LRGUK: variants seen among roughly 807,000 people sequenced by gnomAD.
The protein encoded by LRGUK is leucine rich repeats and guanylate kinase domain containing, also known as leucine-rich repeat and guanylate kinase domain-containing protein.
Under a neutral mutation model 76.0 loss-of-function variants are expected in LRGUK, and 65 were observed. That is an observed-to-expected ratio of 0.85 (90% CI 0.70 to 1.05). LRGUK has a LOEUF of 1.05. Ranked by LOEUF, LRGUK falls within the 50% of genes least tolerant of loss-of-function variation. The pLI is 0.00. For synonymous variants in LRGUK, 268 were observed against 265.6 expected, an observed-to-expected ratio of 1.01 and a Z score of -0.09; for missense variants, 758 against 732.8, an observed-to-expected ratio of 1.03 and a Z score of -0.40.
intron 10 of LRGUK, among the ~76,000 whole-genome samples, chr7:134,180,825 C>T (rs1799708489): frequency 6.6e-6 from 1 of 152,104 alleles, no homozygotes; most frequent in Non-Finnish European, 1.5e-5. Flanking sequence ...GTAACCATCA[C>T]CACCATCTAT....
chr7:134,159,107 G>C (rs1323192393), intron 6 of LRGUK, among the ~76,000 whole-genome samples: 2 of 152,070 alleles, frequency 1.3e-5, no homozygotes, highest in African/African-American at 4.8e-5. Flanking sequence ...GGAGGCTGAG[G>C]TGGGAGGATC....
At chr7:134,204,119 A>T (rs1386528476) in intron 15 of LRGUK, among the ~76,000 whole-genome samples, 1 of 140,858 alleles carries the variant, frequency 7.1e-6, no homozygotes, top group African/African-American at 2.9e-5. Flanking sequence ...AGTAACTGAG[A>T]ACAGTGTGTT....
chr7:134,171,477 T>C (rs1799245283), intron 7 of LRGUK, among the ~76,000 whole-genome samples: 1 of 151,998 alleles, frequency 6.6e-6, no homozygotes, highest in Non-Finnish European at 1.5e-5. Context: ...TATTCACATA[T>C]ATAAGTTTTT....
At chr7:134,201,692 C>T in intron 15 of LRGUK, 116 bp downstream of exon 15, 1 of 669,884 alleles carries the variant, frequency 1.5e-6, no homozygotes. Context: ...TCTTTTATTC[C>T]TGTACTTCTT....
chr7:134,133,619 A>AT (rs1225527048), intron 1 of LRGUK, among the ~76,000 whole-genome samples: 3 of 151,944 alleles, frequency 2.0e-5, no homozygotes, highest in African/African-American at 2.4e-5. Flanking sequence ...TTCTATAGAG[A>AT]TTTTTTTCCC....
At chr7:134,189,156 T>C (rs1348199293) in intron 11 of LRGUK, among the ~76,000 whole-genome samples, 3 of 152,198 alleles carry the variant, frequency 2.0e-5, no homozygotes, top group Non-Finnish European at 4.4e-5. Flanking sequence ...ACTTAGTCCT[T>C]TTCTGTGTTA....
chr7:134,247,899 G>A (rs368750136), intron 17 of LRGUK, among the ~76,000 whole-genome samples: 3 of 152,196 alleles, frequency 2.0e-5, no homozygotes, highest in South Asian at 4.1e-4. Flanking sequence ...AGAAGAAGAC[G>A]GGTGATTAAT....
At chr7:134,157,545 C>T (rs1031853082) in intron 5 of LRGUK, among the ~76,000 whole-genome samples, 4 of 152,190 alleles carry the variant, frequency 2.6e-5, no homozygotes, top group African/African-American at 9.6e-5. Flanking sequence ...TTTTTTGAGA[C>T]GGAGTCTTGC....
intron 9 of LRGUK, among the ~76,000 whole-genome samples, chr7:134,177,781 T>G (rs563708233): frequency 1.3e-5 from 2 of 152,366 alleles, no homozygotes; most frequent in African/African-American, 4.8e-5. Flanking sequence ...TTAAAAGCAG[T>G]TACAGATGCC....
At chr7:134,130,783 C>A (rs1585406016) in intron 1 of LRGUK, among the ~76,000 whole-genome samples, 2 of 152,170 alleles carry the variant, frequency 1.3e-5, no homozygotes, top group South Asian at 4.1e-4. Flanking sequence ...GTATGGACCA[C>A]CTGTTCAAAA....
intron 18 of LRGUK, among the ~76,000 whole-genome samples, chr7:134,250,153 A>G (rs1802409320): frequency 6.6e-6 from 1 of 152,214 alleles, no homozygotes; most frequent in East Asian, 1.9e-4. Flanking sequence ...AAGAAAGCTC[A>G]CCAAAATGTG....
chr7:134,144,855 G>A (rs1037769038), intron 4 of LRGUK, among the ~76,000 whole-genome samples: 3 of 152,140 alleles, frequency 2.0e-5, no homozygotes, highest in African/African-American at 7.2e-5. Context: ...TGTACTCAGT[G>A]TGGGGCCGCA....
intron 2 of LRGUK, among the ~76,000 whole-genome samples, chr7:134,138,318 C>T (rs1240550256): frequency 1.3e-5 from 2 of 152,214 alleles, no homozygotes; most frequent in Admixed American, 6.5e-5. Flanking sequence ...GACCTCCTTA[C>T]ATTTGAGATA....
chr7:134,199,377 T>G (rs750223919), exon 14 of LRGUK: 2 of 1,613,800 alleles, frequency 1.2e-6, no homozygotes, highest in Non-Finnish European at 1.7e-6. Flanking sequence ...TATATTAAAA[T>G]TAATCAGAAT....
chr7:134,170,586 C>A (rs922161302), intron 7 of LRGUK, among the ~76,000 whole-genome samples: 1 of 152,026 alleles, frequency 6.6e-6, no homozygotes, highest in Non-Finnish European at 1.5e-5. Flanking sequence ...GTGATGGATA[C>A]CCCAGTTACC....
At chr7:134,192,412 A>G (rs577110770) in intron 12 of LRGUK, among the ~76,000 whole-genome samples, 1 of 152,326 alleles carries the variant, frequency 6.6e-6, no homozygotes, top group East Asian at 1.9e-4. Flanking sequence ...GGTAATTACC[A>G]TGCATTAGTC....
At chr7:134,127,475 A>G in exon 1 of LRGUK, 1 of 1,614,078 alleles carries the variant, frequency 6.2e-7, no homozygotes, top group Non-Finnish European at 8.5e-7. Flanking sequence ...GCGCAGAAAA[A>G]GAGCGTCAGC....
chr7:134,262,126 C>A (rs1585612483), intron 19 of LRGUK, among the ~76,000 whole-genome samples: 1 of 152,300 alleles, frequency 6.6e-6, no homozygotes, highest in East Asian at 1.9e-4. Flanking sequence ...GTAATCCCAG[C>A]ACTTTGGGAG....
At chr7:134,142,259 G>T (rs143961216) in intron 3 of LRGUK, among the ~76,000 whole-genome samples, 1 of 152,168 alleles carries the variant, frequency 6.6e-6, no homozygotes, top group Non-Finnish European at 1.5e-5. Context: ...GGACTTACTA[G>T]TAGAGACAGG....
Sources: gnomAD v4.1 joint callset for allele counts (sites outside exome capture counted in the v4.1 genomes callset) on GRCh38, gnomAD v4.1.1 for gene constraint, MANE v1.5 for transcripts, NCBI Gene and HGNC (gene_info 2026-07-23, HGNC 2026-07-21) for gene names.